The following OSBPL10 variants were observed in gnomAD, a reference collection of about 807,000 sequenced individuals.
OSBPL10 encodes the protein oxysterol binding protein like 10, also known as oxysterol-binding protein-related protein 10.
A neutral mutation model predicts 81.7 loss-of-function variants in OSBPL10; 49 were observed. The ratio of observed to expected loss-of-function variants is 0.60; its 90% CI spans 0.48 to 0.76. OSBPL10 has a LOEUF of 0.76. Ranked by LOEUF, OSBPL10 falls within the 30% of genes least tolerant of loss-of-function variation. OSBPL10 has a pLI of 0.00. For missense variants in OSBPL10, 923 were observed against 987.8 expected (o/e 0.93, Z 0.88); for synonymous variants, 419 against 383.6 (o/e 1.09, Z -1.08).
chr3:31,683,996 ACTCT>A lies in OSBPL10; in HGVS notation c.1360_1363del (p.Arg454SerfsTer20), dbSNP rs1700727612. ...GAGATAATACTCAACGAAGCAAATG[ACTCT>A]CTCCTCTGGTGTGGCCCCAGCGGTG... On this transcript the variant is annotated frameshift_variant, in exon 8 of 12. Coordinates refer to ENST00000396556, the MANE Select transcript of OSBPL10 (RefSeq NM_017784.5). LOFTEE classifies it high-confidence loss of function. The A allele has an allele frequency of 1.2e-6, 2 of 1,613,580 alleles. No homozygotes were observed. Among genetic ancestry groups the A allele is most frequent in the Non-Finnish European group, 1.7e-6 (2 of 1,179,888 alleles).
intron 2 of OSBPL10, chr3:31,989,413 T>G: frequency 6.2e-7 from 1 of 1,614,182 alleles, no homozygotes; most frequent in South Asian, 1.1e-5. Flanking sequence ...TATTCATGAC[T>G]TTGAGTTTCA....
At chr3:31,774,162 CA>C (rs550791243) in intron 4 of OSBPL10, among the ~76,000 whole-genome samples, 3,922 of 81,368 alleles carry the variant, frequency 0.048, 77 homozygotes, top group African/African-American at 0.082. Flanking sequence ...AACTCCATCT[CA>C]AAAAAAAAAA....
rs369699428 is a variant in OSBPL10, at chr3:31,857,429, C to G, written c.537+19004G>C. On this transcript the variant is annotated intron_variant, in intron 3 of 11. Transcript: ENST00000396556. ...CAAGGACATTAGATGTTAAGACTTT[C>G]AAGTGAAGAATATAATGAGAAGCAG... is the stretch of plus-strand genomic sequence containing the variant. 1.4e-4 allele frequency among the ~76,000 whole-genome samples: 22 copies of G among 152,118 alleles called. No homozygotes were observed. In the East Asian group the frequency reaches 2.7e-3, roughly 19 times the overall value.
intron 4 of OSBPL10, among the ~76,000 whole-genome samples, chr3:31,767,076 C>T (rs943043211): frequency 6.6e-6 from 1 of 152,202 alleles, no homozygotes; most frequent in African/African-American, 2.4e-5. Context: ...ACCCAATTAG[C>T]TACGTTATAC....
intron 4 of OSBPL10, among the ~76,000 whole-genome samples, chr3:31,760,280 G>A (rs1244258803): frequency 6.6e-6 from 1 of 152,086 alleles, no homozygotes; most frequent in Non-Finnish European, 1.5e-5. Flanking sequence ...AATTTGTATT[G>A]AGAAAATCCA....
chr3:32,032,074 C>T (rs868011112), intron 2 of OSBPL10, among the ~76,000 whole-genome samples: 2 of 151,942 alleles, frequency 1.3e-5, no homozygotes, highest in South Asian at 4.2e-4. Flanking sequence ...TTGCTGAAGC[C>T]CAGGAGTTTG....
At chr3:31,694,045 C>T (rs868018767) in intron 7 of OSBPL10, among the ~76,000 whole-genome samples, 3 of 152,270 alleles carry the variant, frequency 2.0e-5, no homozygotes, top group East Asian at 1.9e-4. Context: ...ACTGGGATTA[C>T]GGATGTAAGC....
intron 11 of OSBPL10, chr3:31,663,521 T>C (rs1700116213): frequency 3.0e-6 from 3 of 998,818 alleles, no homozygotes; most frequent in South Asian, 4.4e-5. Flanking sequence ...TGCCCAGATA[T>C]TATTTCTAGC....
At position 31,670,611 on chromosome 3, in the gene OSBPL10, G is replaced by A. The variant is rs75443327; in HGVS notation, c.1913+186C>T. On this transcript the variant is annotated intron_variant, in intron 9 of 11. Coordinates refer to ENST00000396556, the MANE Select transcript of OSBPL10 (RefSeq NM_017784.5). ...CACCGAAGATTTAACCTTAAGTTTA[G>A]GGTGGGGAGGACTCCAAAAAACTGC... 5.5e-3 allele frequency among the ~76,000 whole-genome samples: 832 copies of A among 152,282 alleles called. 13 individuals are homozygous for A. The highest frequency in any genetic ancestry group is 0.019 in the African/African-American group (770 of 41,560).
At chr3:31,724,930 C>A (rs1489439886) in intron 6 of OSBPL10, among the ~76,000 whole-genome samples, 2 of 152,156 alleles carry the variant, frequency 1.3e-5, no homozygotes, top group African/African-American at 4.8e-5. Flanking sequence ...TCAAATTCCA[C>A]GTCATCTCAC....
intron 3 of OSBPL10, among the ~76,000 whole-genome samples, chr3:31,866,592 T>C (rs1302236902): frequency 6.6e-6 from 1 of 152,106 alleles, no homozygotes; most frequent in African/African-American, 2.4e-5. Flanking sequence ...CCCTACATGC[T>C]TGGGGAGTAT....
chr3:31,728,990 A>G (rs1696887671), intron 6 of OSBPL10, among the ~76,000 whole-genome samples: 1 of 152,160 alleles, frequency 6.6e-6, no homozygotes, highest in Admixed American at 6.5e-5. Context: ...ATTTGGGAGC[A>G]TTTTAGATTT....
intron 4 of OSBPL10, among the ~76,000 whole-genome samples, chr3:31,818,145 G>A (rs1366365358): frequency 6.6e-6 from 1 of 152,022 alleles, no homozygotes; most frequent in Non-Finnish European, 1.5e-5. Context: ...ACATGTTTCT[G>A]TGAGGGTGCT....
intron 4 of OSBPL10, among the ~76,000 whole-genome samples, chr3:31,804,901 G>A (rs1409741361): frequency 6.6e-6 from 1 of 151,980 alleles, no homozygotes; most frequent in Non-Finnish European, 1.5e-5. Flanking sequence ...TCCTTACTTT[G>A]TGTGTCTGTT....
chr3:31,719,443 C>A (rs570842639), intron 6 of OSBPL10, among the ~76,000 whole-genome samples: 2 of 152,156 alleles, frequency 1.3e-5, no homozygotes, highest in African/African-American at 2.4e-5. Context: ...AAAAGAAATA[C>A]AAACGGCTAA....
At chr3:31,998,154 CT>C (rs1256591371) in intron 2 of OSBPL10, among the ~76,000 whole-genome samples, 1 of 152,056 alleles carries the variant, frequency 6.6e-6, no homozygotes, top group Admixed American at 6.6e-5. Context: ...TTGTCAGGCT[CT>C]AATAAGGCAT....
chr3:32,033,245 A>T (rs146610530), intron 2 of OSBPL10, among the ~76,000 whole-genome samples: 2 of 152,348 alleles, frequency 1.3e-5, no homozygotes, highest in East Asian at 3.9e-4. Flanking sequence ...TCAAATATCT[A>T]TATTAATCTT....
At chr3:31,972,379 ACT>A (rs541377413) in intron 1 of OSBPL10, among the ~76,000 whole-genome samples, 235 of 152,076 alleles carry the variant, frequency 1.5e-3, no homozygotes, top group Middle Eastern at 3.4e-3. Context: ...ACACAGCGAG[ACT>A]CTGTCTCAAA....
At chr3:31,697,203 G>A (rs893064530) in intron 7 of OSBPL10, among the ~76,000 whole-genome samples, 5 of 152,110 alleles carry the variant, frequency 3.3e-5, no homozygotes, top group Non-Finnish European at 4.4e-5. Flanking sequence ...TTAAGAAGTC[G>A]GGCGACCCAG....
Sources: gnomAD v4.1 joint callset for allele counts (sites outside exome capture counted in the v4.1 genomes callset) on GRCh38, gnomAD v4.1.1 for gene constraint, MANE v1.5 for transcripts, NCBI Gene and HGNC (gene_info 2026-07-23, HGNC 2026-07-21) for gene names.